Variants in PHF14 observed in about 807,000 individuals in gnomAD.
PHF14 encodes PHD finger protein 14.
PHF14 carries 55 observed loss-of-function variants against 117.9 expected under a neutral mutation model. The ratio of observed to expected loss-of-function variants is 0.47; its 90% CI spans 0.38 to 0.58. The LOEUF (loss-of-function observed/expected upper bound fraction) is 0.58. Ranked by LOEUF, PHF14 falls within the 20% of genes least tolerant of loss-of-function variation. The pLI, the probability that PHF14 is intolerant of heterozygous loss-of-function variation, is 0.00. For missense variants in PHF14, 978 were observed against 1,122.2 expected, an observed-to-expected ratio of 0.87 and a Z score of 1.84; for synonymous variants, 409 against 368.6, an observed-to-expected ratio of 1.11 and a Z score of -1.26.
intron 17 of PHF14, among the ~76,000 whole-genome samples, chr7:11,127,256 T>TTG: frequency 6.6e-6 from 1 of 151,688 alleles, no homozygotes; most frequent in East Asian, 1.9e-4. Flanking sequence ...TTTTTTTTTT[T>TTG]GACTCATTGC....
chr7:10,986,073 A>G (rs1782217589), intron 3 of PHF14, among the ~76,000 whole-genome samples: 1 of 151,842 alleles, frequency 6.6e-6, no homozygotes, highest in East Asian at 1.9e-4. Context: ...GGCTCAGGCA[A>G]TTCTCCCACC....
In PHF14 at chr7:10,985,638, GTTTTTTTTTTTTTT is replaced by G. The variant is rs61250143; in HGVS notation, c.900+2497_900+2510del. 9.0e-3 allele frequency among the ~76,000 whole-genome samples: 416 copies of G among 45,978 alleles called. 1 individual carries two copies. The highest frequency in any genetic ancestry group is 0.029 in the African/African-American group (385 of 13,170). The allele number at this position is 45,978 out of a possible 152,430, so 30.2% of individuals were successfully genotyped here. On this transcript the variant is annotated intron_variant, in intron 3 of 17. Coordinates refer to ENST00000634607, the MANE Select transcript of PHF14 (RefSeq NM_001007157.2). ...ACTCTCTAGCAGTGATTCTCAAACT[GTTTTTTTTTTTTTT>G]TTTTTTTTTTTTTTTTTGGAGACAG...
chr7:11,074,585 C>A (rs1332368778), intron 16 of PHF14, among the ~76,000 whole-genome samples: 1 of 152,182 alleles, frequency 6.6e-6, no homozygotes, highest in East Asian at 1.9e-4. Flanking sequence ...CAGGCCACAT[C>A]TTAACTGCTT....
In PHF14 at chr7:10,973,937, C is replaced by T. The variant is rs143245221; in HGVS notation, c.-387C>T. 563 of 194,494 alleles carry T rather than the reference C, an allele frequency of 2.9e-3. 5 individuals carry two copies. Among genetic ancestry groups the T allele is most frequent in the African/African-American group, 0.013 (539 of 42,306 alleles). 12.0% of individuals were successfully genotyped at this position (194,494 alleles called of 1,614,324 possible). A position where few individuals can be genotyped will look rare whatever the true frequency, so the allele number is the denominator to read the frequency against. On this transcript the variant is annotated 5_prime_UTR_variant, in exon 1 of 18. Transcript: ENST00000634607. ...ATTGTCTGAGGCAGCCGCCCTCGCGCTGTGCAATTTCTGGTCTTTCGTTGC... is the reference window on the plus strand; with the variant it reads ...ATTGTCTGAGGCAGCCGCCCTCGCGTTGTGCAATTTCTGGTCTTTCGTTGC...
chr7:11,134,789 A>G (rs1462336046), intron 17 of PHF14, among the ~76,000 whole-genome samples: 4 of 152,154 alleles, frequency 2.6e-5, no homozygotes, highest in Non-Finnish European at 5.9e-5. Context: ...CTGAAAAGTA[A>G]TACATAAAAT....
Position 11,130,060 on chromosome 7 carries a change from A to G in PHF14, c.2772+18593A>G, listed in dbSNP as rs939725578. On this transcript the variant is annotated intron_variant, in intron 17 of 17. Coordinates refer to ENST00000634607, the MANE Select transcript of PHF14 (RefSeq NM_001007157.2). This position sits in a 1 kb window ranked among gnomAD's most constrained non-coding sequence, Gnocchi z 4.2. ...ATATAAGTTGATTTCTCATTCATGTAACGTATCAGTACAGGTTGACAGAGC... is the reference window on the plus strand; with the variant it reads ...ATATAAGTTGATTTCTCATTCATGTGACGTATCAGTACAGGTTGACAGAGC... Among the ~76,000 whole-genome samples the G allele has an allele frequency of 2.0e-5, 3 of 152,044 alleles. No homozygotes were observed. The highest frequency in any genetic ancestry group is 2.9e-5 in the Non-Finnish European group (2 of 67,970).
chr7:11,100,437 A>C (rs572822896), intron 16 of PHF14, among the ~76,000 whole-genome samples: 1 of 152,086 alleles, frequency 6.6e-6, no homozygotes, highest in Admixed American at 6.6e-5. Context: ...TTTAGAAGAG[A>C]GGTAACTGGG....
intron 5 of PHF14, 59 bp downstream of exon 5, chr7:11,013,965 T>C: frequency 9.1e-7 from 1 of 1,099,386 alleles, no homozygotes; most frequent in Non-Finnish European, 1.3e-6. Context: ...TGCCTTTGAC[T>C]TCCCTGTTCT....
chr7:11,009,861 C>T (rs1783280637), intron 4 of PHF14, among the ~76,000 whole-genome samples: 1 of 152,162 alleles, frequency 6.6e-6, no homozygotes, highest in Admixed American at 6.5e-5. Flanking sequence ...GAAGAATTTC[C>T]TGGGAATGGA....
chr7:11,057,964 C>T (rs1179866161), intron 14 of PHF14, among the ~76,000 whole-genome samples: 1 of 152,148 alleles, frequency 6.6e-6, no homozygotes, highest in Non-Finnish European at 1.5e-5. Flanking sequence ...TAGCTAATTA[C>T]TGTCAAAATT....
At chr7:11,015,177 G>A (rs1199220118) in intron 5 of PHF14, 1 of 151,912 alleles carries the variant, frequency 6.6e-6, no homozygotes, top group African/African-American at 2.4e-5. Context: ...CTAAAATAAA[G>A]GATAGGCTTT....
intron 16 of PHF14, among the ~76,000 whole-genome samples, chr7:11,099,335 A>G (rs2128340805): frequency 6.6e-6 from 1 of 152,264 alleles, no homozygotes. Context: ...TTTATGTTAT[A>G]AATGTTTGGA....
chr7:11,006,516 A>G lies in PHF14; in HGVS notation c.1046-7231A>G, dbSNP rs147280507. 474 of 566,158 alleles carry G rather than the reference A, an allele frequency of 8.4e-4. 1 individual carries two copies. The highest frequency in any genetic ancestry group is 1.6e-3 in the East Asian group (36 of 22,086). The allele number at this position is 566,158 out of a possible 1,614,324, so 35.1% of individuals were successfully genotyped here. ...GGGTGTTGACACCTTGGCCACATCA[A>G]TGTCACAGAGCTCCTTCACAGCCTG... On this transcript the variant is annotated intron_variant, in intron 4 of 17. Transcript: ENST00000634607.
intron 16 of PHF14, chr7:11,104,175 C>G: frequency 6.1e-6 from 6 of 983,454 alleles, no homozygotes; most frequent in Non-Finnish European, 7.2e-6. Context: ...AAATCCTTTT[C>G]ACTTTGATTC....
At chr7:11,035,518 T>G in intron 7 of PHF14, 122 bp from the exon 8 acceptor site, 1 of 520,672 alleles carries the variant, frequency 1.9e-6, no homozygotes, top group Non-Finnish European at 3.1e-6. Flanking sequence ...TTTTTGTAAT[T>G]TATTAGATGT....
At chr7:11,071,071 T>C (rs1288442269) in intron 16 of PHF14, among the ~76,000 whole-genome samples, 1 of 152,242 alleles carries the variant, frequency 6.6e-6, no homozygotes. Context: ...ATTTTTGTGA[T>C]AGTTGTTTAC....
chr7:11,105,174 AC>A, intron 16 of PHF14: 1 of 971,254 alleles, frequency 1.0e-6, no homozygotes, highest in Non-Finnish European at 1.2e-6. Context: ...TAACATGAAA[AC>A]AAAATTTAGC....
chr7:11,033,302 TG>T (rs1456254106), intron 7 of PHF14, among the ~76,000 whole-genome samples: 2 of 152,192 alleles, frequency 1.3e-5, no homozygotes, highest in Non-Finnish European at 2.9e-5. Context: ...GAGGGGAGTT[TG>T]GTTCCAGGGA....
intron 16 of PHF14, among the ~76,000 whole-genome samples, chr7:11,072,660 A>G (rs746650464): frequency 6.6e-6 from 1 of 151,926 alleles, no homozygotes; most frequent in South Asian, 2.1e-4. Context: ...TATAACATAT[A>G]TAGTGCTTAT....
Sources: gnomAD v4.1 joint callset for allele counts (sites outside exome capture counted in the v4.1 genomes callset) on GRCh38, gnomAD v4.1.1 for gene constraint, Gnocchi (gnomAD v3.1) non-coding constraint, MANE v1.5 for transcripts, NCBI Gene and HGNC (gene_info 2026-07-23, HGNC 2026-07-21) for gene names.